The following PDGFC variants were observed in gnomAD, a reference collection of about 807,000 sequenced individuals.
The protein encoded by PDGFC is platelet derived growth factor C.
PDGFC carries 12 observed loss-of-function variants against 35.5 expected under a neutral mutation model. The ratio of observed to expected loss-of-function variants is 0.34; its 90% CI spans 0.22 to 0.55. The LOEUF (loss-of-function observed/expected upper bound fraction) is 0.55. PDGFC is among the 20% of genes least tolerant of loss of function. The pLI, the probability that PDGFC is intolerant of heterozygous loss-of-function variation, is 0.91. For synonymous variants in PDGFC, 159 were observed against 148.8 expected, an observed-to-expected ratio of 1.07 and a Z score of -0.50; for missense variants, 322 against 412.4, an observed-to-expected ratio of 0.78 and a Z score of 1.90.
chr4:156,925,620 T>C (rs1731390236), intron 1 of PDGFC, among the ~76,000 whole-genome samples: 1 of 151,940 alleles, frequency 6.6e-6, no homozygotes, highest in Non-Finnish European at 1.5e-5. Context: ...TAGATAATTA[T>C]ACAGGTTTGG....
At chr4:156,914,746 T>A (rs545944438) in intron 1 of PDGFC, among the ~76,000 whole-genome samples, 2 of 152,224 alleles carry the variant, frequency 1.3e-5, no homozygotes, top group African/African-American at 4.8e-5. Context: ...TTTCTAAAAG[T>A]CTCAAAATCA....
intron 2 of PDGFC, among the ~76,000 whole-genome samples, chr4:156,823,059 A>G (rs868080669): frequency 2.6e-5 from 4 of 152,006 alleles, no homozygotes; most frequent in South Asian, 2.1e-4. Context: ...TAACCATTAC[A>G]TGATACTTCT....
intron 1 of PDGFC, among the ~76,000 whole-genome samples, chr4:156,961,286 G>A (rs1252006330): frequency 2.6e-5 from 4 of 151,936 alleles, no homozygotes; most frequent in African/African-American, 7.2e-5. Context: ...TTATAAATAC[G>A]CAGCAAAATA....
intron 1 of PDGFC, among the ~76,000 whole-genome samples, chr4:156,890,699 G>A (rs1211618818): frequency 2.0e-5 from 3 of 152,086 alleles, no homozygotes; most frequent in Non-Finnish European, 2.9e-5. Flanking sequence ...TCATAACACA[G>A]GGTAAACAGA....
rs1729586975 is a variant in PDGFC, at chr4:156,856,483, A to C, written c.119-6067T>G. Among the ~76,000 whole-genome samples, 2 of 152,150 alleles carry C rather than the reference A, an allele frequency of 1.3e-5. 1 individual carries two copies. Among genetic ancestry groups the C allele is most frequent in the South Asian group, 4.1e-4 (2 of 4,828 alleles). ...CTATACTAGTAAACGAGCCAGTTTC[A>C]GATGTTACCTCTTTTGGAAGGCAAT... On this transcript the variant is annotated intron_variant, in intron 1 of 5. Coordinates refer to ENST00000502773, the MANE Select transcript of PDGFC (RefSeq NM_016205.3).
At chr4:156,838,472 T>C (rs1236345598) in intron 2 of PDGFC, among the ~76,000 whole-genome samples, 1 of 152,204 alleles carries the variant, frequency 6.6e-6, no homozygotes, top group Non-Finnish European at 1.5e-5. Context: ...TCAAAGATCA[T>C]TTAAGTGCTA....
intron 1 of PDGFC, among the ~76,000 whole-genome samples, chr4:156,890,147 A>G (rs572144493): frequency 7.2e-4 from 109 of 152,142 alleles, no homozygotes; most frequent in African/African-American, 2.5e-3. Flanking sequence ...AGGTGACTGT[A>G]TCATATGGGA....
At chr4:156,768,119 C>T in intron 4 of PDGFC, 129 bp from the exon 5 acceptor site, 1 of 655,982 alleles carries the variant, frequency 1.5e-6, no homozygotes, top group Non-Finnish European at 2.7e-6. Context: ...AATATCCGCT[C>T]TTATTGTAAG....
chr4:156,934,694 TTC>T (rs1242481969), intron 1 of PDGFC, among the ~76,000 whole-genome samples: 2 of 152,250 alleles, frequency 1.3e-5, no homozygotes, highest in Admixed American at 6.5e-5. Context: ...CAAAAGTATT[TTC>T]TTTCTTTATA....
intron 2 of PDGFC, among the ~76,000 whole-genome samples, chr4:156,843,744 C>T (rs1391560811): frequency 6.6e-6 from 1 of 152,128 alleles, no homozygotes; most frequent in Non-Finnish European, 1.5e-5. Context: ...TGGTGAGAAC[C>T]AAAACCAGCT....
intron 5 of PDGFC, among the ~76,000 whole-genome samples, chr4:156,767,554 T>C (rs1730572722): frequency 6.6e-6 from 1 of 152,104 alleles, no homozygotes; most frequent in Admixed American, 6.6e-5. Context: ...ACCACTCATG[T>C]TATACTACCA....
At chr4:156,909,395 T>C (rs1258689780) in intron 1 of PDGFC, among the ~76,000 whole-genome samples, 1 of 152,160 alleles carries the variant, frequency 6.6e-6, no homozygotes, top group African/African-American at 2.4e-5. Context: ...CTCTTAGCAT[T>C]GCAAATATTA....
rs562095400 is a variant in PDGFC, at chr4:156,823,464, T to C, written c.315-12447A>G. On this transcript the variant is annotated intron_variant, in intron 2 of 5. Transcript: ENST00000502773. The stretch of plus-strand genomic sequence containing the variant: ...TAGTTTTGTTTTGTTCTCTTCTTAT[T>C]ATTGCTATTATTGCAACAATACATG... Among the ~76,000 whole-genome samples the C allele has an allele frequency of 2.6e-5, 4 of 152,348 alleles. No individual in the cohort carries two copies. The East Asian group carries it at 7.7e-4, about 29-fold the overall frequency.
chr4:156,955,226 G>A (rs778583240), intron 1 of PDGFC, among the ~76,000 whole-genome samples: 36 of 151,908 alleles, frequency 2.4e-4, no homozygotes, highest in Non-Finnish European at 4.6e-4. Context: ...AACTCACTTG[G>A]CTATTTTTCC....
At chr4:156,848,475 G>A (rs999888682) in intron 2 of PDGFC, among the ~76,000 whole-genome samples, 1 of 151,876 alleles carries the variant, frequency 6.6e-6, no homozygotes, top group Non-Finnish European at 1.5e-5. Context: ...GTTCCTCAAA[G>A]CAGAAGACAC....
intron 1 of PDGFC, among the ~76,000 whole-genome samples, chr4:156,869,768 TTTAAA>T (rs1729935794): frequency 1.3e-5 from 2 of 152,204 alleles, no homozygotes; most frequent in Non-Finnish European, 2.9e-5. Context: ...TTCGTGTCTT[TTTAAA>T]TTAAACATTT....
chr4:156,925,887 C>A (rs1418793830), intron 1 of PDGFC, among the ~76,000 whole-genome samples: 1 of 150,892 alleles, frequency 6.6e-6, no homozygotes, highest in Non-Finnish European at 1.5e-5. Context: ...CCCGTCTCTA[C>A]AAAAAAATAT....
At chr4:156,901,450 T>C (rs1246438170) in intron 1 of PDGFC, among the ~76,000 whole-genome samples, 1 of 151,982 alleles carries the variant, frequency 6.6e-6, no homozygotes. Flanking sequence ...AATGACTGAC[T>C]CAAGTAATGC....
At chr4:156,889,777 T>C (rs543251857) in intron 1 of PDGFC, among the ~76,000 whole-genome samples, 2 of 152,296 alleles carry the variant, frequency 1.3e-5, no homozygotes, top group African/African-American at 2.4e-5. Flanking sequence ...TTGCCCAATC[T>C]CCAACAGCAG....
Sources: allele counts gnomAD v4.1 joint callset (sites outside exome capture counted in the v4.1 genomes callset), GRCh38; gene constraint gnomAD v4.1.1; transcripts MANE v1.5; gene names NCBI Gene and HGNC (gene_info 2026-07-23, HGNC 2026-07-21).